Variants in DDR2 observed in about 807,000 individuals in gnomAD.
DDR2 encodes the protein discoidin domain-containing receptor 2.
In DDR2, 27 loss-of-function variants were observed where a neutral mutation model predicts 94.9. That is an observed-to-expected ratio of 0.28 (90% confidence interval 0.21 to 0.39). The LOEUF (loss-of-function observed/expected upper bound fraction) is 0.39, where lower values mean the gene tolerates loss of function less well. Among genes scored for constraint, DDR2 ranks in the 10% least tolerant of loss-of-function variants. DDR2 has a pLI of 1.00. For synonymous variants in DDR2, 382 were observed against 377.2 expected, an observed-to-expected ratio of 1.01 and a Z score of -0.15; for missense variants, 783 against 1,076.0, an observed-to-expected ratio of 0.73 and a Z score of 3.81.
At chr1:162,725,652 CA>C (rs1661627379) in intron 3 of DDR2, among the ~76,000 whole-genome samples, 3 of 152,134 alleles carry the variant, frequency 2.0e-5, no homozygotes, top group African/African-American at 4.8e-5. Context: ...TGAGCCACCA[CA>C]CCCGGCCACA....
chr1:162,720,994 G>A (rs553868413), intron 3 of DDR2, among the ~76,000 whole-genome samples: 13 of 152,208 alleles, frequency 8.5e-5, no homozygotes, highest in African/African-American at 1.7e-4. Flanking sequence ...TTACTTTCTC[G>A]TAATAAGCTC....
intron 2 of DDR2, among the ~76,000 whole-genome samples, chr1:162,682,217 A>G (rs1178047591): frequency 6.6e-6 from 1 of 152,156 alleles, no homozygotes; most frequent in Non-Finnish European, 1.5e-5. Context: ...CTGTTTGCCC[A>G]GGCTTAAGTA....
chr1:162,773,194 A>G (rs536907794), intron 13 of DDR2, among the ~76,000 whole-genome samples: 1 of 152,366 alleles, frequency 6.6e-6, no homozygotes, highest in Admixed American at 6.5e-5. Flanking sequence ...CTATGCTGTA[A>G]TATAATATTG....
At chr1:162,631,340 A>T (rs1329330521), upstream of DDR2, 1 of 151,982 alleles carries the variant, frequency 6.6e-6, no homozygotes, top group Non-Finnish European at 1.5e-5. Context: ...TTTCTTGCTC[A>T]TCTTGGAGAC....
intron 2 of DDR2, among the ~76,000 whole-genome samples, chr1:162,700,376 C>CA (rs1660376188): frequency 6.6e-6 from 1 of 152,184 alleles, no homozygotes; most frequent in South Asian, 2.1e-4. Flanking sequence ...CCCAGACACT[C>CA]AGTTTTGTAT....
intron 12 of DDR2, among the ~76,000 whole-genome samples, chr1:162,771,355 T>C (rs1043287591): frequency 1.3e-5 from 2 of 152,132 alleles, no homozygotes; most frequent in Non-Finnish European, 2.9e-5. Context: ...TTCAAGAGCA[T>C]AGGATTTTAT....
At chr1:162,694,097 A>C (rs998006117) in intron 2 of DDR2, among the ~76,000 whole-genome samples, 1 of 152,128 alleles carries the variant, frequency 6.6e-6, no homozygotes, top group South Asian at 2.1e-4. Flanking sequence ...GGTGGTCTCA[A>C]ACTCCTGGTT....
At chr1:162,688,117 A>G (rs1005821561) in intron 2 of DDR2, among the ~76,000 whole-genome samples, 4 of 152,246 alleles carry the variant, frequency 2.6e-5, no homozygotes, top group Non-Finnish European at 5.9e-5. Context: ...GACATGTTCT[A>G]AGTGGCTTCT....
intron 3 of DDR2, among the ~76,000 whole-genome samples, chr1:162,723,294 T>A (rs959939143): frequency 6.6e-5 from 10 of 152,256 alleles, no homozygotes; most frequent in African/African-American, 2.4e-4. Context: ...ATGTAGGAGA[T>A]CCATTCCCCT....
intron 2 of DDR2, among the ~76,000 whole-genome samples, chr1:162,666,461 G>A (rs1013268723): frequency 2.6e-5 from 4 of 152,174 alleles, no homozygotes; most frequent in Non-Finnish European, 5.9e-5. Context: ...AGAGTATGCA[G>A]AGTTATAGTC....
At position 162,780,274 on chromosome 1, in the gene DDR2, C is replaced by T. The variant is rs377100095; in HGVS notation, c.*28C>T. ...CTGTCAGTGCCTGGCCATGTTCCTA[C>T]GGCTCAGGTCCTCCCTACAAGACCT... On this transcript the variant is annotated 3_prime_UTR_variant, in exon 18 of 18. Coordinates refer to ENST00000367921, the MANE Select transcript of DDR2 (RefSeq NM_006182.4). 33 of 1,613,582 alleles carry T rather than the reference C, an allele frequency of 2.0e-5. No homozygotes were observed. In the East Asian group the frequency reaches 3.1e-4, roughly 15 times the overall value.
chr1:162,764,219 A>G (rs1663884638), intron 9 of DDR2, among the ~76,000 whole-genome samples: 1 of 152,202 alleles, frequency 6.6e-6, no homozygotes, highest in Non-Finnish European at 1.5e-5. Context: ...TTCAACCTTT[A>G]GGGATTCCTT....
chr1:162,728,689 A>G (rs916532488), intron 3 of DDR2, among the ~76,000 whole-genome samples: 6 of 152,134 alleles, frequency 3.9e-5, no homozygotes, highest in Non-Finnish European at 7.3e-5. Context: ...ACAAGCAATA[A>G]TCCTCCCTGG....
At chr1:162,635,993 C>T (rs1296033453) in intron 1 of DDR2, among the ~76,000 whole-genome samples, 2 of 152,166 alleles carry the variant, frequency 1.3e-5, no homozygotes, top group Non-Finnish European at 2.9e-5. Flanking sequence ...AGATACCTGT[C>T]AAGGATATTT....
chr1:162,714,554 G>T (rs1433036752), intron 2 of DDR2, among the ~76,000 whole-genome samples: 1 of 152,056 alleles, frequency 6.6e-6, no homozygotes, highest in Non-Finnish European at 1.5e-5. Flanking sequence ...AGTCTTTTCT[G>T]GGTTGTTCAT....
In DDR2 at chr1:162,761,329, A is replaced by G; in HGVS notation, c.974A>G (p.Asp325Gly). 1 of 1,614,176 alleles carries G rather than the reference A, an allele frequency of 6.2e-7. No homozygotes were observed. Among genetic ancestry groups the G allele is most frequent in the Non-Finnish European group, 8.5e-7 (1 of 1,180,034 alleles). The change falls in exon 9 of 18, where the codon GAT becomes GGT. Residue 325 changes from aspartate (D) to glycine (G), a missense_variant. By Grantham distance (94) the Asp-to-Gly change is moderately conservative (BLOSUM62 -1). Coordinates refer to ENST00000367921, the MANE Select transcript of DDR2 (RefSeq NM_006182.4). The part of the protein sequence containing the change: ...PNAISFPLVL[D>G]DVNPSARFVT... ...GCCATTTCCTTCCCCCTTGTCCTGG[A>G]TGACGTCAACCCCAGTGCTCGGTTT... is the stretch of plus-strand genomic sequence containing the variant.
intron 2 of DDR2, among the ~76,000 whole-genome samples, chr1:162,703,885 C>T (rs997072287): frequency 6.6e-6 from 1 of 152,130 alleles, no homozygotes; most frequent in Non-Finnish European, 1.5e-5. Context: ...GTGCGCATGC[C>T]GGGATCCCCA....
Position 162,781,770 on chromosome 1 carries a change from C to G in DDR2, c.*1524C>G, listed in dbSNP as rs920246711. On this transcript the variant is annotated 3_prime_UTR_variant, in exon 18 of 18. Coordinates refer to ENST00000367921, the MANE Select transcript of DDR2 (RefSeq NM_006182.4). Reference sequence around the variant, plus strand: ...TCTGAGTTTTCACACTCCACAAATCCTCAGATTTAGTGGGAAGCTGGAAAA... The same window carrying G: ...TCTGAGTTTTCACACTCCACAAATCGTCAGATTTAGTGGGAAGCTGGAAAA... 1 of 152,092 alleles carries G rather than the reference C, an allele frequency of 6.6e-6. No homozygotes were observed. Among genetic ancestry groups the G allele is most frequent in the Non-Finnish European group, 1.5e-5 (1 of 68,020 alleles). 9.4% of individuals were successfully genotyped at this position (152,092 alleles called of 1,614,324 possible).
upstream of DDR2, chr1:162,632,399 G>A (rs1443233074): frequency 1.3e-5 from 2 of 152,072 alleles, no homozygotes; most frequent in Admixed American, 6.5e-5. Flanking sequence ...AACCAAATGT[G>A]CAATATATTG....
Sources: gnomAD v4.1 joint callset for allele counts (sites outside exome capture counted in the v4.1 genomes callset) on GRCh38, gnomAD v4.1.1 for gene constraint, MANE v1.5 for transcripts, NCBI Gene and HGNC (gene_info 2026-07-23, HGNC 2026-07-21) for gene names.